SPECC1: variants seen among roughly 807,000 people sequenced by gnomAD.
SPECC1 encodes sperm antigen with calponin homology and coiled-coil domains 1.
SPECC1 carries 62 observed loss-of-function variants against 104.1 expected under a neutral mutation model. That is an observed-to-expected ratio of 0.60 (90% CI 0.49 to 0.74). SPECC1 has a LOEUF of 0.74. SPECC1 is among the 30% of genes least tolerant of loss of function. SPECC1 has a pLI of 0.00. For synonymous variants in SPECC1, 513 were observed against 501.6 expected (o/e 1.02, Z -0.30); for missense variants, 1,306 against 1,310.5 (o/e 1.00, Z 0.05).
intron 4 of SPECC1, among the ~76,000 whole-genome samples, chr17:20,206,718 G>A (rs936606496): frequency 9.9e-5 from 15 of 151,986 alleles, no homozygotes; most frequent in Admixed American, 2.0e-4. Context: ...ATTCCTAGAC[G>A]ATGACTTACC....
chr17:20,275,950 T>C (rs753522629), intron 12 of SPECC1, among the ~76,000 whole-genome samples: 113 of 152,244 alleles, frequency 7.4e-4, no homozygotes, highest in Non-Finnish European at 1.2e-3. Context: ...AAAGGTTTCT[T>C]GTTCTATCTT....
intron 9 of SPECC1, among the ~76,000 whole-genome samples, chr17:20,252,953 C>T (rs940952735): frequency 3.3e-5 from 5 of 151,912 alleles, no homozygotes; most frequent in African/African-American, 9.7e-5. Context: ...TACTGTTCTG[C>T]GTAATGGCTG....
At chr17:20,027,553 T>G (rs1269063586) in intron 1 of SPECC1, among the ~76,000 whole-genome samples, 1 of 152,188 alleles carries the variant, frequency 6.6e-6, no homozygotes, top group Non-Finnish European at 1.5e-5. Context: ...AGTTTTATAG[T>G]TTTGGGTCTT....
chr17:20,248,252 T>C (rs2039497802), intron 9 of SPECC1, among the ~76,000 whole-genome samples: 1 of 152,182 alleles, frequency 6.6e-6, no homozygotes, highest in Non-Finnish European at 1.5e-5. Context: ...CCAGATCCTC[T>C]GAGAAGGGGC....
intron 12 of SPECC1, among the ~76,000 whole-genome samples, chr17:20,280,813 T>C (rs2040743319): frequency 6.6e-6 from 1 of 152,226 alleles, no homozygotes; most frequent in South Asian, 2.1e-4. Flanking sequence ...TCACCGGATT[T>C]TGTGGTTTGC....
In SPECC1 at chr17:20,158,122, A is replaced by G. The variant is rs946407751; in HGVS notation, c.284-46211A>G. On this transcript the variant is annotated intron_variant, in intron 3 of 14. Coordinates refer to ENST00000395527, the MANE Select transcript of SPECC1 (RefSeq NM_001243439.2). ...GCGTGGGTTTTCAGTCGGCTTTACC[A>G]CAGGGACTGGGATGAGGTCGCATGG... Among the ~76,000 whole-genome samples, 11 of 152,194 alleles carry G rather than the reference A, an allele frequency of 7.2e-5. 1 individual carries two copies. The highest frequency in any genetic ancestry group is 7.2e-4 in the Admixed American group (11 of 15,286).
intron 1 of SPECC1, among the ~76,000 whole-genome samples, chr17:20,040,044 G>A (rs760914125): frequency 1.4e-4 from 21 of 151,908 alleles, no homozygotes; most frequent in Middle Eastern, 3.4e-3. Flanking sequence ...TTGTCTTCCT[G>A]TAGAGTATTT....
intron 8 of SPECC1, 67 bp from the exon 9 acceptor site, chr17:20,247,152 C>T: frequency 1.6e-6 from 2 of 1,269,260 alleles, no homozygotes; most frequent in Non-Finnish European, 2.2e-6. Flanking sequence ...AACAAGAAAT[C>T]AGGAACAAGT....
intron 12 of SPECC1, among the ~76,000 whole-genome samples, chr17:20,295,462 T>G (rs527922501): frequency 6.6e-6 from 1 of 152,238 alleles, no homozygotes; most frequent in East Asian, 1.9e-4. Context: ...CTATAGTGAT[T>G]AGTGCCGCAA....
intron 13 of SPECC1, among the ~76,000 whole-genome samples, chr17:20,303,106 G>C (rs193130404): frequency 2.6e-5 from 4 of 152,196 alleles, no homozygotes; most frequent in African/African-American, 9.6e-5. Flanking sequence ...AAAAATTGGG[G>C]TAACGCTCTA....
chr17:20,108,230 A>T (rs2048326785), intron 2 of SPECC1, among the ~76,000 whole-genome samples: 1 of 151,438 alleles, frequency 6.6e-6, no homozygotes, highest in African/African-American at 2.4e-5. Context: ...ATTACAAAAA[A>T]AAGGAAAAAA....
chr17:20,304,263 C>G (rs1407028561), intron 13 of SPECC1, among the ~76,000 whole-genome samples: 1 of 152,080 alleles, frequency 6.6e-6, no homozygotes, highest in East Asian at 1.9e-4. Flanking sequence ...ACACTCCAGC[C>G]TGGGTGACAG....
intron 5 of SPECC1, among the ~76,000 whole-genome samples, chr17:20,230,707 T>A (rs1035882749): frequency 2.0e-5 from 3 of 152,228 alleles, no homozygotes; most frequent in Middle Eastern, 3.2e-3. Context: ...GAAAAACTTT[T>A]AAACTTTTTA....
chr17:20,252,298 G>A (rs1176141810), intron 9 of SPECC1, among the ~76,000 whole-genome samples: 1 of 151,926 alleles, frequency 6.6e-6, no homozygotes, highest in Non-Finnish European at 1.5e-5. Flanking sequence ...CAGATTCAGG[G>A]TGTACATGTA....
At chr17:20,131,214 C>T (rs1238020001) in intron 3 of SPECC1, among the ~76,000 whole-genome samples, 2 of 152,054 alleles carry the variant, frequency 1.3e-5, no homozygotes, top group African/African-American at 4.8e-5. Flanking sequence ...TCTTTTGAGT[C>T]GTTTTCTTCC....
chr17:20,164,207 T>C (rs957492402), intron 3 of SPECC1, among the ~76,000 whole-genome samples: 4 of 151,516 alleles, frequency 2.6e-5, no homozygotes, highest in African/African-American at 9.7e-5. Context: ...AAAGTCTTGC[T>C]CTGTTGGCCA....
chr17:20,261,269 G>A (rs572506582), intron 12 of SPECC1, among the ~76,000 whole-genome samples: 39 of 152,066 alleles, frequency 2.6e-4, no homozygotes, highest in African/African-American at 8.2e-4. Context: ...TTGGGAGGCC[G>A]AGGTGGGCAG....
At position 20,096,698 on chromosome 17, in the gene SPECC1, G is replaced by T. The variant is rs751442635; in HGVS notation, c.47G>T (p.Gly16Val). Residue 16 changes from glycine to valine, a missense_variant, in exon 2 of 15, where the codon GGC becomes GTC. This residue lies in a region of SPECC1 where 1,177 missense variants were observed against 1,139.9 expected (regional missense o/e 1.03). Coordinates refer to ENST00000395527, the MANE Select transcript of SPECC1 (RefSeq NM_001243439.2). The stretch of plus-strand genomic sequence containing the variant: ...TGGAACCCAGCCATCAGAGCAGGGG[G>T]CCACGGCCCAGACCGGGTGCGGCCT... ...KPWNPAIRAG[G>V]HGPDRVRPLP... is the part of the protein sequence containing the mutation. 6.2e-5 allele frequency: 100 copies of T among 1,614,068 alleles called. No homozygotes were observed. Among genetic ancestry groups the T allele is most frequent in the Admixed American group, 8.3e-5 (5 of 59,996 alleles).
At chr17:20,112,923 C>T (rs1567852361) in intron 3 of SPECC1, 35 of 1,508,956 alleles carry the variant, frequency 2.3e-5, no homozygotes, top group Non-Finnish European at 1.9e-5. Context: ...CTGAGAGGGT[C>T]CAACATGAAG....
Sources: gnomAD v4.1 joint callset for allele counts (sites outside exome capture counted in the v4.1 genomes callset) on GRCh38, gnomAD v4.1.1 for gene constraint, gnomAD v4.1.1 regional missense constraint, MANE v1.5 for transcripts, NCBI Gene and HGNC (gene_info 2026-07-23, HGNC 2026-07-21) for gene names.